The following AJAP1 variants were observed in gnomAD, a reference collection of about 807,000 sequenced individuals.
AJAP1 encodes adherens junctions associated protein 1, also known as adherens junction-associated protein 1.
Under a neutral mutation model 35.0 loss-of-function variants are expected in AJAP1, and 5 were observed. The observed-to-expected ratio is 0.14, with a 90% CI of 0.07 to 0.30. The LOEUF is 0.30. AJAP1 is among the 10% of genes least tolerant of loss of function. AJAP1 has a pLI of 1.00. For missense variants in AJAP1, 586 were observed against 571.0 expected, an observed-to-expected ratio of 1.03 and a Z score of -0.27; for synonymous variants, 284 against 249.3, an observed-to-expected ratio of 1.14 and a Z score of -1.31.
intron 2 of AJAP1, among the ~76,000 whole-genome samples, chr1:4,729,142 C>T (rs1425886391): frequency 6.6e-6 from 1 of 152,220 alleles, no homozygotes; most frequent in Non-Finnish European, 1.5e-5. Context: ...ATAAACTCAG[C>T]CATCTCAACT....
intron 2 of AJAP1, among the ~76,000 whole-genome samples, chr1:4,717,411 C>G (rs894089536): frequency 2.6e-5 from 4 of 152,198 alleles, no homozygotes; most frequent in Admixed American, 6.5e-5. Context: ...ACCTCGCCAC[C>G]CAGGAGGGGC....
At chr1:4,777,722 C>G (rs1214048563) in intron 5 of AJAP1, 2 of 152,216 alleles carry the variant, frequency 1.3e-5, no homozygotes. Flanking sequence ...GAATCCGAAG[C>G]AAGTGAGAAA....
chr1:4,679,978 A>G (rs1639449083), intron 1 of AJAP1, among the ~76,000 whole-genome samples: 1 of 152,132 alleles, frequency 6.6e-6, no homozygotes, highest in South Asian at 2.1e-4. Flanking sequence ...ATACTGTAGA[A>G]CTGAGAACCA....
At position 4,693,322 on chromosome 1, in the gene AJAP1, T is replaced by C. The variant is rs1256003119; in HGVS notation, c.30-18578T>C. On this transcript the variant is annotated intron_variant, in intron 1 of 5. Transcript: ENST00000378191. The surrounding 1 kb of genome is among the most constrained non-coding windows in gnomAD (Gnocchi z 4.4). Reference sequence around the variant, plus strand: ...GGCATGTGCTGATGGAGAGGGACTCTCGGCTTCGGAGGGAAGAACCCCATG... The same window carrying C: ...GGCATGTGCTGATGGAGAGGGACTCCCGGCTTCGGAGGGAAGAACCCCATG... 2.1e-5 allele frequency among the ~76,000 whole-genome samples: 3 copies of C among 143,082 alleles called. No homozygotes were observed. Among genetic ancestry groups the C allele is most frequent in the African/African-American group, 7.7e-5 (3 of 38,848 alleles). 93.9% of individuals were successfully genotyped at this position (143,082 alleles called of 152,430 possible).
intron 2 of AJAP1, among the ~76,000 whole-genome samples, chr1:4,750,032 T>TTGTG (rs55677440): frequency 1.2e-4 from 18 of 150,452 alleles, no homozygotes; most frequent in Admixed American, 1.3e-4. Flanking sequence ...GTGCATGTGT[T>TTGTG]TGTGTGTGTG....
chr1:4,762,483 A>G (rs547358478), intron 2 of AJAP1, among the ~76,000 whole-genome samples: 225 of 152,202 alleles, frequency 1.5e-3, no homozygotes, highest in Admixed American at 2.6e-3. Context: ...CCCAGCACAA[A>G]CTCTGGGCGT....
chr1:4,724,799 A>G (rs1455247671), intron 2 of AJAP1, among the ~76,000 whole-genome samples: 1 of 152,220 alleles, frequency 6.6e-6, no homozygotes, highest in African/African-American at 2.4e-5. Flanking sequence ...ACGGGTTCCT[A>G]AGTGCTGAAA....
At position 4,712,708 on chromosome 1, in the gene AJAP1, ATCTCTC is replaced by A; in HGVS notation, c.829+11_829+16del. 1 of 1,505,622 alleles carries A rather than the reference ATCTCTC, an allele frequency of 6.6e-7. No homozygotes were observed. Among genetic ancestry groups the A allele is most frequent in the Non-Finnish European group, 8.9e-7 (1 of 1,125,542 alleles). 93.3% of individuals were successfully genotyped at this position (1,505,622 alleles called of 1,614,324 possible). A position where few individuals can be genotyped will look rare whatever the true frequency, so the allele number is the denominator to read the frequency against. ...TCTGGGGGAGGCCTCAGGTACAGCC[ATCTCTC>A]TTCTGGTTTGGGTTTGCTTGGGGTT... On this transcript the variant is annotated intron_variant, in intron 2 of 5. Transcript: ENST00000378191.
At chr1:4,670,194 T>G (rs1022900055) in intron 1 of AJAP1, among the ~76,000 whole-genome samples, 1 of 152,166 alleles carries the variant, frequency 6.6e-6, no homozygotes, top group Non-Finnish European at 1.5e-5. Context: ...TCTCTATGCC[T>G]GTGCACCTTG....
In AJAP1 at chr1:4,748,762, A is replaced by G. The variant is rs1317617513; in HGVS notation, c.830-21091A>G. Among the ~76,000 whole-genome samples the G allele has an allele frequency of 8.8e-4, 134 of 151,664 alleles. 2 individuals are homozygous for G. The highest frequency in any genetic ancestry group is 4.9e-3 in the Admixed American group (75 of 15,256). On this transcript the variant is annotated intron_variant, in intron 2 of 5. Coordinates refer to ENST00000378191, the MANE Select transcript of AJAP1 (RefSeq NM_018836.4). ...GACTCTGTCTCAAAAAAAAAAAAAAAAAAAAAAAAAAAGAATGGAACCAGG... is the reference window on the plus strand; with the variant it reads ...GACTCTGTCTCAAAAAAAAAAAAAAGAAAAAAAAAAAAGAATGGAACCAGG...
chr1:4,758,220 C>A (rs1333407010), intron 2 of AJAP1, among the ~76,000 whole-genome samples: 2 of 152,098 alleles, frequency 1.3e-5, no homozygotes, highest in Non-Finnish European at 2.9e-5. Context: ...GATGTGAGAA[C>A]AGACTAATAT....
chr1:4,709,313 T>G, intron 1 of AJAP1, among the ~76,000 whole-genome samples: 1 of 150,350 alleles, frequency 6.7e-6, no homozygotes, highest in East Asian at 2.0e-4. Context: ...TGAAGCCTGG[T>G]GGGGTCTAAT....
intron 1 of AJAP1, among the ~76,000 whole-genome samples, chr1:4,695,827 C>G (rs1363531186): frequency 6.6e-6 from 1 of 152,182 alleles, no homozygotes; most frequent in East Asian, 1.9e-4. Flanking sequence ...CGAATGCAGT[C>G]ACACCAAGGT....
chr1:4,780,630 T>C (rs931004845), intron 5 of AJAP1, among the ~76,000 whole-genome samples: 1 of 116,802 alleles, frequency 8.6e-6, no homozygotes, highest in Non-Finnish European at 1.9e-5. Flanking sequence ...TCTTTCTTTC[T>C]TTCTTTTTTT....
chr1:4,776,155 C>T (rs779801639), intron 5 of AJAP1, among the ~76,000 whole-genome samples: 4 of 152,242 alleles, frequency 2.6e-5, no homozygotes, highest in African/African-American at 4.8e-5. Context: ...CCCCGTAATA[C>T]GGATGTTTGC....
At chr1:4,760,191 CTG>C (rs751529692) in intron 2 of AJAP1, among the ~76,000 whole-genome samples, 5 of 151,542 alleles carry the variant, frequency 3.3e-5, no homozygotes, top group South Asian at 2.1e-4. Context: ...GTGAGTGAGC[CTG>C]TGTGTGTGTG....
In AJAP1 at chr1:4,781,001, C is replaced by T. The variant is rs577641543; in HGVS notation, c.*60-1544C>T. On this transcript the variant is annotated intron_variant, in intron 5 of 5. Coordinates refer to ENST00000378191, the MANE Select transcript of AJAP1 (RefSeq NM_018836.4). ...GACGCCCAGGGCCCAGCCTCTTGTCCAGGTGCAGAGGGGTCCAGGGAAAGA... is the reference window on the plus strand; with the variant it reads ...GACGCCCAGGGCCCAGCCTCTTGTCTAGGTGCAGAGGGGTCCAGGGAAAGA... Among the ~76,000 whole-genome samples the T allele has an allele frequency of 2.6e-5, 4 of 152,278 alleles. No homozygotes were observed. The East Asian group carries it at 7.7e-4, about 29-fold the overall frequency.
intron 5 of AJAP1, among the ~76,000 whole-genome samples, chr1:4,778,571 ATCTCTCTCTCTCTCTC>A (rs141390632): frequency 1.1e-3 from 151 of 142,890 alleles, no homozygotes; most frequent in East Asian, 1.7e-3. Flanking sequence ...GATTGGCGCC[ATCTCTCTCTCTCTCTC>A]TCTCTCTCTC....
intron 3 of AJAP1, among the ~76,000 whole-genome samples, chr1:4,770,822 G>T (rs905852083): frequency 2.0e-4 from 30 of 152,296 alleles, no homozygotes; most frequent in African/African-American, 6.7e-4. Flanking sequence ...GCAGGAGGGT[G>T]GGGGTAGCAC....
Sources: allele counts gnomAD v4.1 joint callset (sites outside exome capture counted in the v4.1 genomes callset), GRCh38; gene constraint gnomAD v4.1.1; non-coding constraint Gnocchi (gnomAD v3.1); transcripts MANE v1.5; gene names NCBI Gene and HGNC (gene_info 2026-07-23, HGNC 2026-07-21).